Variants in AGAP4 observed in about 807,000 individuals in gnomAD.
AGAP4 encodes the protein arf-GAP with GTPase, ANK repeat and PH domain-containing protein 4.
In AGAP4, 13 loss-of-function variants were observed where a neutral mutation model predicts 60.7. The observed-to-expected ratio is 0.21, with a 90% confidence interval of 0.14 to 0.34. The LOEUF is 0.34. Ranked by LOEUF, AGAP4 falls within the 10% of genes least tolerant of loss-of-function variation. The probability of loss-of-function intolerance (pLI) is 1.00; values close to 1 mark genes in which losing one functional copy is unlikely to be tolerated. For synonymous variants in AGAP4, 70 were observed against 339.0 expected, an observed-to-expected ratio of 0.21 and a Z score of 8.72; for missense variants, 169 against 884.0, an observed-to-expected ratio of 0.19 and a Z score of 10.26.
upstream of AGAP4, among the ~76,000 whole-genome samples, chr10:45,850,927 C>G (rs1386288705): frequency 6.6e-6 from 1 of 151,910 alleles, no homozygotes; most frequent in Non-Finnish European, 1.5e-5. Flanking sequence ...CATATGTTTT[C>G]AAAAATAACA....
chr10:45,831,410 G>C lies in AGAP4; in HGVS notation c.517C>G (p.His173Asp). 3 of 1,586,954 alleles carry C rather than the reference G, an allele frequency of 1.9e-6. No individual in the cohort carries two copies. The highest frequency in any genetic ancestry group is 1.7e-6 in the Non-Finnish European group (2 of 1,171,376). ...AAAGCTCACCTTTGTGTGATATGATGAGGTATCTCCAAGGTCACACTGTGG... is the reference window on the plus strand; with the variant it reads ...AAAGCTCACCTTTGTGTGATATGATCAGGTATCTCCAAGGTCACACTGTGG... ...TIISVTLEIP[H>D]HITQRDADRS... Residue 173 changes from histidine to aspartate, a missense_variant, in exon 6 of 8, where the codon CAT becomes GAT. Physicochemically the swap from His to Asp is moderately conservative, Grantham distance 81 (BLOSUM62 -1). Transcript: ENST00000616763.
At chr10:45,851,059 T>G (rs2917176), upstream of AGAP4, among the ~76,000 whole-genome samples, 769 of 151,960 alleles carry the variant, frequency 5.1e-3, 12 homozygotes, top group African/African-American at 0.018. Context: ...GTTACAGCAA[T>G]TGAGGCACCT....
chr10:45,851,479 T>C (rs1410089484), upstream of AGAP4, among the ~76,000 whole-genome samples: 11 of 152,142 alleles, frequency 7.2e-5, no homozygotes, highest in East Asian at 9.7e-4. Context: ...AACTTAGTGA[T>C]TGGGCTTGTG....
At chr10:45,842,705 G>A (rs1348371770) in intron 3 of AGAP4, among the ~76,000 whole-genome samples, 2 of 140,636 alleles carry the variant, frequency 1.4e-5, no homozygotes, top group Non-Finnish European at 3.0e-5. Flanking sequence ...TTGATGCTGG[G>A]AGGGCCTTGT....
chr10:45,844,450 C>T (rs1590037788), intron 2 of AGAP4, 56 bp from the exon 3 acceptor site: 1 of 1,591,924 alleles, frequency 6.3e-7, no homozygotes, highest in African/African-American at 1.4e-5. Flanking sequence ...AAAAATTTAT[C>T]AACTCGTTTA....
chr10:45,838,305 G>A (rs1372771790), intron 4 of AGAP4, among the ~76,000 whole-genome samples: 2 of 151,672 alleles, frequency 1.3e-5, no homozygotes, highest in East Asian at 3.9e-4. Flanking sequence ...AGGCTGGGAG[G>A]AGGGTGAGGG....
intron 6 of AGAP4, among the ~76,000 whole-genome samples, chr10:45,829,342 T>G (rs571458425): frequency 2.6e-4 from 38 of 146,122 alleles, no homozygotes; most frequent in Admixed American, 6.8e-4. Flanking sequence ...TTTTTTTTTT[T>G]TTGTTTTTAA....
chr10:45,851,847 C>T (rs1488122534), upstream of AGAP4, among the ~76,000 whole-genome samples: 1 of 151,258 alleles, frequency 6.6e-6, no homozygotes, highest in Non-Finnish European at 1.5e-5. Context: ...GACCATGTGA[C>T]TCTAGAGATA....
intron 4 of AGAP4, among the ~76,000 whole-genome samples, chr10:45,839,951 G>T (rs2058890274): frequency 6.7e-6 from 1 of 149,702 alleles, no homozygotes; most frequent in African/African-American, 2.5e-5. Context: ...AAAAATACAA[G>T]GGGAAAAATT....
upstream of AGAP4, chr10:45,848,010 A>T (rs1554899825): frequency 1.0e-6 from 1 of 1,003,978 alleles, no homozygotes; most frequent in Non-Finnish European, 1.2e-6. Context: ...TATGAGTTCT[A>T]TACAAAGCCT....
intron 1 of AGAP4, among the ~76,000 whole-genome samples, 165 bp downstream of exon 1, chr10:45,846,960 G>C (rs1306736576): frequency 6.6e-6 from 1 of 151,698 alleles, no homozygotes; most frequent in East Asian, 1.9e-4. Context: ...GAAATACTAA[G>C]GGGTGGGAAT....
chr10:45,831,513 C>A, intron 5 of AGAP4, 84 bp from the exon 6 acceptor site: 1 of 1,190,924 alleles, frequency 8.4e-7, no homozygotes, highest in Non-Finnish European at 1.2e-6. Flanking sequence ...GCAGAGGAAA[C>A]TCTCCTAGTG....
At chr10:45,835,042 G>T (rs1406516268) in intron 4 of AGAP4, among the ~76,000 whole-genome samples, 1 of 145,876 alleles carries the variant, frequency 6.9e-6, no homozygotes, top group Non-Finnish European at 1.5e-5. Context: ...CAAAGTACTG[G>T]GATTACAGGC....
upstream of AGAP4, among the ~76,000 whole-genome samples, chr10:45,848,607 T>A (rs2059037316): frequency 6.6e-6 from 1 of 152,042 alleles, no homozygotes; most frequent in South Asian, 2.1e-4. Flanking sequence ...CTCCCCAAGG[T>A]CACATGACTG....
intron 4 of AGAP4, among the ~76,000 whole-genome samples, chr10:45,838,130 A>C (rs1254405314): frequency 6.7e-6 from 1 of 149,950 alleles, no homozygotes; most frequent in Non-Finnish European, 1.5e-5. Context: ...TAAGGAATAA[A>C]TTCATGGCAT....
At chr10:45,844,522 A>G (rs1250404525) in intron 2 of AGAP4, 128 bp from the exon 3 acceptor site, 4 of 1,479,470 alleles carry the variant, frequency 2.7e-6, no homozygotes, top group South Asian at 1.3e-5. Context: ...ATTGAAATGA[A>G]TGTATAGACA....
rs1477806414 is a variant in AGAP4 at position 45,838,932 on chromosome 10, GA to G, written c.396+2720del. 1.5e-3 allele frequency among the ~76,000 whole-genome samples: 206 copies of G among 138,434 alleles called. No homozygotes were observed. The East Asian group carries it at 0.022, about 15-fold the overall frequency. 90.8% of individuals were successfully genotyped at this position (138,434 alleles called of 152,430 possible). Reference sequence around the variant, plus strand: ...GAAAATATTAAACAAGGCCTTAGGAGAAAAGTGTAATATGCTTATTATAGAT... The same window carrying G: ...GAAAATATTAAACAAGGCCTTAGGAGAAAGTGTAATATGCTTATTATAGAT... On this transcript the variant is annotated intron_variant, in intron 4 of 7. Coordinates refer to ENST00000616763, the MANE Select transcript of AGAP4 (RefSeq NM_001276343.3).
At position 45,841,648 on chromosome 10, in the gene AGAP4, C is replaced by G; in HGVS notation, c.396+5G>C. On this transcript the variant is annotated splice_donor_5th_base_variant and intron_variant, in intron 4 of 7. Transcript: ENST00000616763. The stretch of plus-strand genomic sequence containing the variant: ...AATTTCTTAACTATTTGAGTGTTTA[C>G]TTACATGGTTTGTACAGTTGCTTCT... 10 of 1,088,260 alleles carry G rather than the reference C, an allele frequency of 9.2e-6. No individual in the cohort carries two copies. The highest frequency in any genetic ancestry group is 1.3e-5 in the Non-Finnish European group (10 of 788,776). The allele number at this position is 1,088,260 out of a possible 1,614,324, so 67.4% of individuals were successfully genotyped here. A position where few individuals can be genotyped will look rare whatever the true frequency, so the allele number is the denominator to read the frequency against.
intron 3 of AGAP4, among the ~76,000 whole-genome samples, chr10:45,844,025 C>T (rs2058961552): frequency 6.7e-6 from 1 of 149,820 alleles, no homozygotes; most frequent in African/African-American, 2.5e-5. Flanking sequence ...AAAGATGAAT[C>T]CATTAATTAT....
Sources: gnomAD v4.1 joint callset for allele counts (sites outside exome capture counted in the v4.1 genomes callset) on GRCh38, gnomAD v4.1.1 for gene constraint, MANE v1.5 for transcripts, NCBI Gene and HGNC (gene_info 2026-07-23, HGNC 2026-07-21) for gene names.